FOXN3: variants seen among roughly 807,000 people sequenced by gnomAD.
FOXN3 encodes forkhead box N3.
Under a neutral mutation model 38.4 loss-of-function variants are expected in FOXN3, and 7 were observed. That is an observed-to-expected ratio of 0.18 (90% CI 0.10 to 0.34). FOXN3 has a LOEUF of 0.34. Ranked by LOEUF, FOXN3 falls within the 10% of genes least tolerant of loss-of-function variation. The probability of loss-of-function intolerance (pLI) is 1.00; values close to 1 mark genes in which losing one functional copy is unlikely to be tolerated. For synonymous variants in FOXN3, 230 were observed against 242.2 expected, an observed-to-expected ratio of 0.95 and a Z score of 0.47; for missense variants, 456 against 613.4, an observed-to-expected ratio of 0.74 and a Z score of 2.71.
intron 1 of FOXN3, among the ~76,000 whole-genome samples, chr14:89,537,230 G>A (rs1894707021): frequency 6.6e-6 from 1 of 152,200 alleles, no homozygotes; most frequent in Admixed American, 6.5e-5. Context: ...TCCACAGAAT[G>A]GAGGATTCCC....
At chr14:89,347,306 G>C (rs1888790030) in intron 3 of FOXN3, among the ~76,000 whole-genome samples, 1 of 152,204 alleles carries the variant, frequency 6.6e-6, no homozygotes, top group Admixed American at 6.5e-5. Context: ...ACACCACATG[G>C]AGAAAACGAA....
intron 1 of FOXN3, among the ~76,000 whole-genome samples, chr14:89,441,574 A>G (rs1310915377): frequency 6.6e-6 from 1 of 152,086 alleles, no homozygotes; most frequent in East Asian, 1.9e-4. Flanking sequence ...TGCCCCAGAC[A>G]CCCTACTAGC....
chr14:89,205,065 A>T (rs899952835), intron 4 of FOXN3, among the ~76,000 whole-genome samples: 1 of 146,146 alleles, frequency 6.8e-6, no homozygotes, highest in Non-Finnish European at 1.5e-5. Flanking sequence ...TAGAATGGTT[A>T]TTAAGAATGG....
chr14:89,397,368 C>A (rs1891125596), intron 2 of FOXN3, among the ~76,000 whole-genome samples: 1 of 148,090 alleles, frequency 6.8e-6, no homozygotes, highest in Admixed American at 6.8e-5. Context: ...ATAATCTGTA[C>A]AACAAACCCC....
intron 3 of FOXN3, among the ~76,000 whole-genome samples, chr14:89,323,452 G>A (rs1417255072): frequency 1.3e-5 from 2 of 151,926 alleles, no homozygotes; most frequent in East Asian, 1.9e-4. Flanking sequence ...TGGGCACAGT[G>A]GTTCACGCCT....
chr14:89,555,882 G>GTGTGTGTGTGGGTGT lies in FOXN3; in HGVS notation c.-15+63145_-15+63146insACACCCACACACACA, dbSNP rs58769284. On this transcript the variant is annotated intron_variant, in intron 1 of 6. Coordinates refer to the FOXN3 transcript ENST00000345097. Reference sequence around the variant, plus strand: ...GTGTGTGTGTGTGTGTGTGTATGTGGGGGTGTATGTGGGGGTGTGTGTGTT... The same window carrying GTGTGTGTGTGGGTGT: ...GTGTGTGTGTGTGTGTGTGTATGTGGTGTGTGTGTGGGTGTGGGTGTATGTGGGGGTGTGTGTGTT... 6.7e-5 allele frequency among the ~76,000 whole-genome samples: 7 copies of GTGTGTGTGTGGGTGT among 104,664 alleles called. 1 individual carries two copies. Among genetic ancestry groups the GTGTGTGTGTGGGTGT allele is most frequent in the South Asian group, 7.5e-4 (2 of 2,668 alleles). The allele number at this position is 104,664 out of a possible 152,430, so 68.7% of individuals were successfully genotyped here.
chr14:89,404,917 C>A (rs1018223386), intron 2 of FOXN3, among the ~76,000 whole-genome samples: 2 of 152,134 alleles, frequency 1.3e-5, no homozygotes, highest in Admixed American at 1.3e-4. Flanking sequence ...CGAACCAGAC[C>A]ACACTGTCTT....
chr14:89,497,481 A>G (rs1159234873), intron 1 of FOXN3, among the ~76,000 whole-genome samples: 1 of 142,632 alleles, frequency 7.0e-6, no homozygotes, highest in Non-Finnish European at 1.5e-5. Context: ...ATCTCGGCTC[A>G]CTACAACCTC....
upstream of FOXN3, among the ~76,000 whole-genome samples, chr14:89,421,730 C>T (rs10133317): frequency 0.14 from 21,424 of 148,344 alleles, 2,637 homozygotes; most frequent in African/African-American, 0.34. Context: ...GGTTTCTCCA[C>T]GTTGGTCAGG....
intron 4 of FOXN3, among the ~76,000 whole-genome samples, chr14:89,243,432 T>C (rs762773404): frequency 3.3e-5 from 5 of 152,170 alleles, no homozygotes; most frequent in Admixed American, 1.3e-4. Context: ...AACACCCGCA[T>C]TGTATTATAA....
rs1239949828 is a variant in FOXN3 at position 89,320,934 on chromosome 14, C to T, written c.680+29738G>A. 7.9e-5 allele frequency among the ~76,000 whole-genome samples: 12 copies of T among 152,194 alleles called. No individual in the cohort carries two copies. In the South Asian group the frequency reaches 1.5e-3, roughly 18 times the overall value. ...GCTGACTCTGAGGAGTTTTTATGAA[C>T]TGTTTATATGCGGGGAGTTGGGGTC... On this transcript the variant is annotated intron_variant, in intron 3 of 5. Coordinates refer to ENST00000557258, the MANE Select transcript of FOXN3 (RefSeq NM_005197.4).
intron 2 of FOXN3, among the ~76,000 whole-genome samples, chr14:89,410,746 A>G (rs755265588): frequency 1.3e-5 from 2 of 151,898 alleles, no homozygotes; most frequent in Non-Finnish European, 2.9e-5. Flanking sequence ...AGTGGCACAC[A>G]CCTGTGCTCC....
intron 1 of FOXN3, among the ~76,000 whole-genome samples, chr14:89,442,961 T>A (rs1892418114): frequency 6.6e-6 from 1 of 152,228 alleles, no homozygotes; most frequent in African/African-American, 2.4e-5. Context: ...TCTCTGGCCC[T>A]TTACAGAAAA....
intron 4 of FOXN3, among the ~76,000 whole-genome samples, chr14:89,264,859 A>T (rs1178467501): frequency 6.6e-6 from 1 of 152,142 alleles, no homozygotes; most frequent in Non-Finnish European, 1.5e-5. Flanking sequence ...ATTCTCAAAG[A>T]CTTCTACATC....
intron 1 of FOXN3, among the ~76,000 whole-genome samples, chr14:89,552,135 G>T (rs1895016807): frequency 6.6e-6 from 1 of 152,152 alleles, no homozygotes; most frequent in African/African-American, 2.4e-5. Flanking sequence ...AAAGCGCACG[G>T]TTGCTTCCAT....
intron 1 of FOXN3, among the ~76,000 whole-genome samples, chr14:89,467,804 G>C (rs112016212): frequency 9.5e-4 from 54 of 56,590 alleles, no homozygotes; most frequent in African/African-American, 3.4e-3. Context: ...TTCTTTCTTT[G>C]TTTTTTTTTT....
At chr14:89,208,637 C>G (rs949640504) in intron 4 of FOXN3, among the ~76,000 whole-genome samples, 6 of 152,142 alleles carry the variant, frequency 3.9e-5, no homozygotes, top group Admixed American at 3.3e-4. Context: ...TCCTACAGCC[C>G]AAACCATTAT....
chr14:89,513,932 ACGCACACACG>A (rs1894150710), intron 1 of FOXN3, among the ~76,000 whole-genome samples: 1 of 150,700 alleles, frequency 6.6e-6, no homozygotes, highest in Non-Finnish European at 1.5e-5. Flanking sequence ...ACACACACGC[ACGCACACACG>A]CACGCACACA....
At chr14:89,496,720 A>G (rs1174411673) in intron 1 of FOXN3, among the ~76,000 whole-genome samples, 1 of 152,156 alleles carries the variant, frequency 6.6e-6, no homozygotes, top group Non-Finnish European at 1.5e-5. Flanking sequence ...ATTCATAATG[A>G]CATGCAACCA....
Sources: allele counts gnomAD v4.1 joint callset (sites outside exome capture counted in the v4.1 genomes callset), GRCh38; gene constraint gnomAD v4.1.1; transcripts MANE v1.5; gene names NCBI Gene and HGNC (gene_info 2026-07-23, HGNC 2026-07-21).